SV2C: variants seen among roughly 807,000 people sequenced by gnomAD.
The protein encoded by SV2C is solute carrier family 22 member B3.
SV2C carries 49 observed loss-of-function variants against 79.7 expected under a neutral mutation model. That is an observed-to-expected ratio of 0.61 (90% CI 0.49 to 0.78). The LOEUF (loss-of-function observed/expected upper bound fraction) is 0.78. SV2C is among the 30% of genes least tolerant of loss of function. The pLI is 0.00. For synonymous variants in SV2C, 334 were observed against 333.2 expected (o/e 1.00, Z -0.03); for missense variants, 833 against 912.9 (o/e 0.91, Z 1.13).
the SV2C span, among the ~76,000 whole-genome samples, chr5:75,863,839 T>G: frequency 1.3e-5 from 2 of 152,234 alleles, no homozygotes; most frequent in African/African-American, 2.4e-5. Context: ...CCCCAACCTA[T>G]ATTTTTCTGT....
chr5:76,172,113 G>T (rs1315792967), intron 2 of SV2C, among the ~76,000 whole-genome samples: 2 of 33,688 alleles, frequency 5.9e-5, no homozygotes. Context: ...GGAGGGAGGT[G>T]GGGGGGTCAG....
At chr5:76,111,596 TC>T (rs1448737025) in intron 1 of SV2C, among the ~76,000 whole-genome samples, 4 of 152,130 alleles carry the variant, frequency 2.6e-5, no homozygotes, top group Non-Finnish European at 5.9e-5. Context: ...CAGGCGTCTT[TC>T]TCCAGACCGT....
intron 10 of SV2C, among the ~76,000 whole-genome samples, chr5:76,299,304 G>C (rs765987998): frequency 1.2e-4 from 19 of 152,100 alleles, no homozygotes; most frequent in Non-Finnish European, 2.6e-4. Flanking sequence ...GCTATGCTCA[G>C]ATACATATAT....
intron 2 of SV2C, among the ~76,000 whole-genome samples, chr5:76,173,129 A>G (rs1288114478): frequency 1.3e-5 from 2 of 148,524 alleles, no homozygotes; most frequent in African/African-American, 4.9e-5. Context: ...ATTTTGTACA[A>G]TAATAATGAC....
chr5:75,921,239 T>C, the SV2C span: 2 of 1,377,244 alleles, frequency 1.5e-6, no homozygotes, highest in East Asian at 4.6e-5. Context: ...ACACTTCCCT[T>C]TGACTTTGAT....
chr5:75,930,806 A>G, the SV2C span, among the ~76,000 whole-genome samples: 2 of 152,324 alleles, frequency 1.3e-5, no homozygotes, highest in South Asian at 2.1e-4. Flanking sequence ...TGGGCCATTT[A>G]TGTTGATTTG....
intron 2 of SV2C, among the ~76,000 whole-genome samples, chr5:76,161,883 G>C (rs575083004): frequency 6.6e-6 from 1 of 152,112 alleles, no homozygotes; most frequent in Admixed American, 6.5e-5. Context: ...TGTGAACAGT[G>C]CCATTTTAGT....
At chr5:75,966,044 A>T in the SV2C span, among the ~76,000 whole-genome samples, 4 of 152,236 alleles carry the variant, frequency 2.6e-5, no homozygotes, top group Non-Finnish European at 5.9e-5. Context: ...ACACTATTAC[A>T]ATTGCATTCA....
chr5:76,283,110 C>T (rs1288583000), intron 4 of SV2C, among the ~76,000 whole-genome samples: 1 of 152,020 alleles, frequency 6.6e-6, no homozygotes, highest in Non-Finnish European at 1.5e-5. Flanking sequence ...ATCAGGAGAT[C>T]GAGACCATCC....
intron 9 of SV2C, 42 bp downstream of exon 9, chr5:76,295,984 A>G (rs199513698): frequency 2.0e-6 from 3 of 1,521,914 alleles, no homozygotes; most frequent in African/African-American, 2.8e-5. Flanking sequence ...CCTATTCACA[A>G]AAACTTATTT....
the SV2C span, among the ~76,000 whole-genome samples, chr5:75,879,405 G>T: frequency 6.6e-6 from 1 of 152,176 alleles, no homozygotes; most frequent in Non-Finnish European, 1.5e-5. Context: ...TACAGACATT[G>T]GGTAAACATA....
intron 4 of SV2C, among the ~76,000 whole-genome samples, chr5:76,228,782 A>G (rs1745327891): frequency 7.0e-6 from 1 of 142,622 alleles, no homozygotes; most frequent in Non-Finnish European, 1.5e-5. Flanking sequence ...TCTTCTATGA[A>G]GTACGCATTA....
At chr5:75,865,938 G>A in the SV2C span, among the ~76,000 whole-genome samples, 1 of 152,176 alleles carries the variant, frequency 6.6e-6, no homozygotes, top group Non-Finnish European at 1.5e-5. Flanking sequence ...GCCTGCACAT[G>A]TGCCCTGCCG....
the SV2C span, among the ~76,000 whole-genome samples, chr5:76,032,953 A>G: frequency 6.6e-6 from 1 of 152,256 alleles, no homozygotes; most frequent in African/African-American, 2.4e-5. Context: ...CTGGTTTGAG[A>G]TGGTATCCCA....
chr5:76,023,344 C>T, the SV2C span, among the ~76,000 whole-genome samples: 1 of 152,056 alleles, frequency 6.6e-6, no homozygotes, highest in Non-Finnish European at 1.5e-5. Flanking sequence ...GGAAGCTGCT[C>T]CTTCGTTTCC....
chr5:75,986,307 A>C, the SV2C span, among the ~76,000 whole-genome samples: 1 of 151,792 alleles, frequency 6.6e-6, no homozygotes, highest in East Asian at 2.0e-4. Context: ...TGAAAGATGG[A>C]TGCAGGAGGA....
chr5:76,241,012 A>C (rs1228569790), intron 4 of SV2C, among the ~76,000 whole-genome samples: 3 of 152,090 alleles, frequency 2.0e-5, no homozygotes, highest in African/African-American at 7.2e-5. Context: ...TTGCAGTGGC[A>C]GTGGCGTGAT....
chr5:76,070,081 G>T, the SV2C span, among the ~76,000 whole-genome samples: 10 of 152,098 alleles, frequency 6.6e-5, no homozygotes, highest in African/African-American at 1.9e-4. Flanking sequence ...GTCCAGTCCT[G>T]CCCCACACCT....
chr5:75,987,290 T>C, the SV2C span, among the ~76,000 whole-genome samples: 1 of 151,970 alleles, frequency 6.6e-6, no homozygotes, highest in African/African-American at 2.4e-5. Context: ...GGGGTAGCTG[T>C]GTCACATAGT....
Sources: allele counts gnomAD v4.1 joint callset (sites outside exome capture counted in the v4.1 genomes callset), GRCh38; gene constraint gnomAD v4.1.1; transcripts MANE v1.5; gene names NCBI Gene and HGNC (gene_info 2026-07-23, HGNC 2026-07-21).